The following RMST variants were observed in gnomAD, a reference collection of about 807,000 sequenced individuals.
The protein encoded by RMST is rhabdomyosarcoma 2 associated transcript, also known as long intergenic non-protein coding RNA 54.
intron 4 of RMST, among the ~76,000 whole-genome samples, chr12:97,464,407 A>G (rs763613619): frequency 2.6e-5 from 4 of 152,234 alleles, no homozygotes; most frequent in African/African-American, 4.8e-5. Context: ...GTCCCCATTT[A>G]CAAGATCCAT....
intron 11 of RMST, among the ~76,000 whole-genome samples, chr12:97,535,994 C>G (rs1321512778): frequency 6.6e-6 from 1 of 151,560 alleles, no homozygotes; most frequent in Non-Finnish European, 1.5e-5. Flanking sequence ...GTTTACCTAT[C>G]TTTCTTTTAA....
intron 10 of RMST, among the ~76,000 whole-genome samples, chr12:97,504,351 G>A (rs1329022330): frequency 1.3e-5 from 2 of 150,280 alleles, no homozygotes; most frequent in African/African-American, 4.9e-5. Context: ...TTGCAGAGTG[G>A]AGAGATTGCT....
chr12:97,545,505 T>A (rs1192915296), intron 11 of RMST, among the ~76,000 whole-genome samples: 5 of 152,074 alleles, frequency 3.3e-5, no homozygotes, highest in Non-Finnish European at 5.9e-5. Context: ...ACAATTTTTT[T>A]AAAACTAATC....
exon 14 of RMST, chr12:97,564,646 G>A (rs1055397900): frequency 2.0e-5 from 3 of 152,132 alleles, no homozygotes; most frequent in Admixed American, 1.3e-4. Context: ...TTTTTTAAAA[G>A]CTCATGAAAT....
chr12:97,536,148 A>G (rs1882060478), intron 11 of RMST, among the ~76,000 whole-genome samples: 1 of 151,508 alleles, frequency 6.6e-6, no homozygotes, highest in African/African-American at 2.4e-5. Flanking sequence ...GAAACTGAGT[A>G]TAAGTCTGTT....
intron 13 of RMST, among the ~76,000 whole-genome samples, chr12:97,562,455 G>A (rs964520961): frequency 2.6e-5 from 4 of 152,140 alleles, no homozygotes; most frequent in East Asian, 3.9e-4. Flanking sequence ...GTAGAGGAGC[G>A]GTGGGGGTTG....
intron 10 of RMST, among the ~76,000 whole-genome samples, chr12:97,528,819 A>G (rs1394733508): frequency 2.0e-5 from 3 of 152,110 alleles, no homozygotes; most frequent in South Asian, 4.1e-4. Context: ...AGAAACGGCT[A>G]TGTGCCAGGC....
At chr12:97,537,717 A>G (rs1882178234) in intron 11 of RMST, among the ~76,000 whole-genome samples, 1 of 151,482 alleles carries the variant, frequency 6.6e-6, no homozygotes, top group African/African-American at 2.4e-5. Flanking sequence ...TTCAAGTCAC[A>G]TCATGGAGCT....
chr12:97,551,557 T>C (rs1883313719), intron 11 of RMST, among the ~76,000 whole-genome samples: 1 of 152,220 alleles, frequency 6.6e-6, no homozygotes, highest in South Asian at 2.1e-4. Context: ...AAGTGTATTC[T>C]GTTTGGCTTT....
At chr12:97,541,042 C>T (rs1882476668) in intron 11 of RMST, among the ~76,000 whole-genome samples, 1 of 150,882 alleles carries the variant, frequency 6.6e-6, no homozygotes, top group Non-Finnish European at 1.5e-5. Context: ...GTGTTTTGTA[C>T]ACATATATCA....
At chr12:97,515,984 C>G (rs1879888193) in intron 10 of RMST, among the ~76,000 whole-genome samples, 1 of 151,778 alleles carries the variant, frequency 6.6e-6, no homozygotes, top group Non-Finnish European at 1.5e-5. Flanking sequence ...TCTATAAACT[C>G]TTTGTTGGTA....
At chr12:97,493,658 T>G (rs1280559012) in intron 7 of RMST, among the ~76,000 whole-genome samples, 1 of 152,170 alleles carries the variant, frequency 6.6e-6, no homozygotes, top group Non-Finnish European at 1.5e-5. Flanking sequence ...CCCGTCAGTT[T>G]CCAAGAAAAA....
At chr12:97,560,634 G>C (rs1281447795) in exon 12 of RMST, 1 of 152,112 alleles carries the variant, frequency 6.6e-6, no homozygotes, top group African/African-American at 2.4e-5. Flanking sequence ...GAATCGCTTT[G>C]GGATGACATT....
intron 10 of RMST, among the ~76,000 whole-genome samples, chr12:97,501,774 C>G (rs1878101690): frequency 6.6e-6 from 1 of 152,174 alleles, no homozygotes; most frequent in Non-Finnish European, 1.5e-5. Context: ...TAGCAGGTAC[C>G]TGTCTCCACC....
chr12:97,474,930 C>T (rs754762802), intron 5 of RMST, among the ~76,000 whole-genome samples: 2 of 152,146 alleles, frequency 1.3e-5, no homozygotes, highest in South Asian at 2.1e-4. Context: ...CCAGTGTACT[C>T]ATTCATAATA....
chr12:97,463,633 T>C (rs1348513184), intron 4 of RMST, among the ~76,000 whole-genome samples: 1 of 152,212 alleles, frequency 6.6e-6, no homozygotes, highest in Non-Finnish European at 1.5e-5. Flanking sequence ...GGATGCTCTT[T>C]CATTCTTAAT....
chr12:97,560,591 C>T (rs1182466250), exon 12 of RMST: 1 of 152,220 alleles, frequency 6.6e-6, no homozygotes. Context: ...GGTTATCTCA[C>T]AACCTCAGAT....
intron 11 of RMST, among the ~76,000 whole-genome samples, chr12:97,546,635 T>A (rs2136637397): frequency 6.6e-6 from 1 of 152,160 alleles, no homozygotes; most frequent in South Asian, 2.1e-4. Flanking sequence ...AAGTAAATTT[T>A]GTGACTATTT....
At chr12:97,486,946 G>A (rs1011856181) in intron 5 of RMST, among the ~76,000 whole-genome samples, 4 of 152,166 alleles carry the variant, frequency 2.6e-5, no homozygotes, top group African/African-American at 9.7e-5. Flanking sequence ...GAACAAAAGG[G>A]AATGAGAAAT....
Sources: allele counts gnomAD v4.1 joint callset (sites outside exome capture counted in the v4.1 genomes callset), GRCh38; gene constraint gnomAD v4.1.1; transcripts MANE v1.5; gene names NCBI Gene and HGNC (gene_info 2026-07-23, HGNC 2026-07-21).